Variants in HMGXB3 observed in about 807,000 individuals in gnomAD.
HMGXB3 encodes the protein HMG-box containing 3.
In HMGXB3, 45 loss-of-function variants were observed where a neutral mutation model predicts 121.5. That is an observed-to-expected ratio of 0.37 (90% confidence interval 0.29 to 0.47). The LOEUF (loss-of-function observed/expected upper bound fraction) is 0.47. Ranked by LOEUF, HMGXB3 falls within the 20% of genes least tolerant of loss-of-function variation. The probability of loss-of-function intolerance (pLI) is 0.99; values close to 1 mark genes in which losing one functional copy is unlikely to be tolerated. For missense variants in HMGXB3, 1,376 were observed against 1,602.2 expected, an observed-to-expected ratio of 0.86 and a Z score of 2.41; for synonymous variants, 590 against 624.1, an observed-to-expected ratio of 0.95 and a Z score of 0.81.
chr5:150,030,518 T>C, intron 9 of HMGXB3: 1 of 478,184 alleles, frequency 2.1e-6, no homozygotes, highest in Non-Finnish European at 3.8e-6. Context: ...TTCTAATACA[T>C]GGTATTAGAA....
At chr5:150,020,320 G>T (rs1374799847) in intron 6 of HMGXB3, among the ~76,000 whole-genome samples, 2 of 152,234 alleles carry the variant, frequency 1.3e-5, no homozygotes, top group Admixed American at 6.5e-5. Context: ...GAAGCCATCA[G>T]TGTATTCACA....
In HMGXB3 at chr5:150,010,219, G is replaced by C; in HGVS notation, c.421G>C (p.Asp141His). 1 of 1,551,836 alleles carries C rather than the reference G, an allele frequency of 6.4e-7. No homozygotes were observed. Among genetic ancestry groups the C allele is most frequent in the South Asian group, 1.2e-5 (1 of 84,058 alleles). ...CATCCCCAAGAGCAGCCTGCAGGAG[G>C]ACCGGAGCTGCCCTCAGCTAGAGCT... The part of the protein sequence containing the change: ...IIIPKSSLQE[D>H]RSCPQLELCV... The change falls in exon 4 of 20, where the codon GAC (aspartate) becomes CAC (histidine). Residue 141 changes from aspartate (D) to histidine (H), a missense_variant. Transcript: ENST00000502717.
At position 150,052,035 on chromosome 5, in the gene HMGXB3, G is replaced by A. The variant is rs947233375; in HGVS notation, c.3722G>A (p.Arg1241His). ...CGCCTCATGGACTTCCTCACCAGCC[G>A]CGAAATTGTCAATCGTCAGATCCAT... is the stretch of plus-strand genomic sequence containing the variant. ...YNRLMDFLTS[R>H]EIVNRQIHDI... is the part of the protein sequence containing the mutation. The change falls in exon 20 of 20, where the codon CGC becomes CAC. Residue 1241 changes from arginine (R) to histidine (H), a missense_variant. Arg to His is a conservative substitution (Grantham distance 29). Coordinates refer to ENST00000502717, the MANE Select transcript of HMGXB3 (RefSeq NM_014983.3). 4 of 1,551,928 alleles carry A rather than the reference G, an allele frequency of 2.6e-6. No individual in the cohort carries two copies. The highest frequency in any genetic ancestry group is 2.4e-5 in the East Asian group (1 of 40,938).
chr5:150,005,138 T>G, intron 2 of HMGXB3, 149 bp downstream of exon 2: 5 of 1,115,836 alleles, frequency 4.5e-6, no homozygotes, highest in Non-Finnish European at 6.1e-6. Context: ...GTGGAGGGAT[T>G]TCTGCCAGCA....
intron 6 of HMGXB3, among the ~76,000 whole-genome samples, chr5:150,021,291 CT>C (rs1222995851): frequency 6.6e-6 from 1 of 152,226 alleles, no homozygotes; most frequent in African/African-American, 2.4e-5. Context: ...TGATTATCAG[CT>C]ACTTCAACTC....
At chr5:150,016,910 A>C (rs549203550) in intron 5 of HMGXB3, among the ~76,000 whole-genome samples, 1 of 152,322 alleles carries the variant, frequency 6.6e-6, no homozygotes, top group African/African-American at 2.4e-5. Flanking sequence ...TTAGGGCTAA[A>C]GTACATATTT....
chr5:150,005,165 G>C (rs1482729766), intron 2 of HMGXB3, among the ~76,000 whole-genome samples, 176 bp downstream of exon 2: 1 of 148,128 alleles, frequency 6.8e-6, no homozygotes, highest in African/African-American at 2.5e-5. Flanking sequence ...TTACTGGCCA[G>C]ACTTTGCTTT....
At chr5:150,032,695 A>C in intron 11 of HMGXB3, 92 bp downstream of exon 11, 1 of 1,425,440 alleles carries the variant, frequency 7.0e-7, no homozygotes, top group Non-Finnish European at 9.6e-7. Flanking sequence ...TTTAAAGTAC[A>C]TGGTGGTAGT....
intron 1 of HMGXB3, among the ~76,000 whole-genome samples, chr5:150,001,862 T>C (rs1335391457): frequency 6.6e-6 from 1 of 152,194 alleles, no homozygotes; most frequent in Non-Finnish European, 1.5e-5. Flanking sequence ...TGCCATTCAT[T>C]ACAGATGCTC....
In HMGXB3 at chr5:150,018,617, T is replaced by A. The variant is rs1756013176; in HGVS notation, c.961T>A (p.Ser321Thr). ...GHGTCTSPGC[S>T]FTYVTRHKPP... ...TGGGACATGCACCAGCCCAGGGTGC[T>A]CCTTTACATATGTCACCAGGCACAA... Residue 321 changes from serine to threonine, a missense_variant, in exon 6 of 20, where the codon TCC (serine) becomes ACC (threonine). By Grantham distance (58) the Ser-to-Thr change is moderately conservative (BLOSUM62 1). Coordinates refer to ENST00000502717, the MANE Select transcript of HMGXB3 (RefSeq NM_014983.3). The A allele has an allele frequency of 6.4e-7, 1 of 1,551,062 alleles. No homozygotes were observed. The highest frequency in any genetic ancestry group is 1.4e-5 in the African/African-American group (1 of 73,044).
At chr5:150,025,571 T>C (rs923040527) in intron 7 of HMGXB3, among the ~76,000 whole-genome samples, 1 of 152,132 alleles carries the variant, frequency 6.6e-6, no homozygotes, top group Non-Finnish European at 1.5e-5. Flanking sequence ...ATTTTTATGT[T>C]TATTTTTATT....
intron 3 of HMGXB3, among the ~76,000 whole-genome samples, 170 bp from the exon 4 acceptor site, chr5:150,009,941 G>C (rs972927758): frequency 6.6e-6 from 1 of 152,158 alleles, no homozygotes; most frequent in African/African-American, 2.4e-5. Context: ...TGACACTGCT[G>C]TTGACAGGGG....
At chr5:150,025,828 C>T (rs1756215964) in intron 7 of HMGXB3, among the ~76,000 whole-genome samples, 2 of 152,048 alleles carry the variant, frequency 1.3e-5, no homozygotes, top group Non-Finnish European at 2.9e-5. Flanking sequence ...CCGCCTTGGC[C>T]TCCCAAATAC....
chr5:150,012,342 T>C lies in HMGXB3; in HGVS notation c.898T>C (p.Ser300Pro), dbSNP rs1398128692. The C allele has an allele frequency of 6.4e-7, 1 of 1,550,958 alleles. No individual in the cohort carries two copies. Among genetic ancestry groups the C allele is most frequent in the East Asian group, 2.4e-5 (1 of 40,906 alleles). ...CTACTCGGTTGTGGAGAACCCCACC[T>C]CCATCAAACTGGTCAGTACTGTATG... ...PAYSVVENPT[S>P]IKLTTTYTRR... is the part of the protein sequence containing the mutation. The change falls in exon 5 of 20, where the codon TCC becomes CCC. Residue 300 changes from serine to proline, a missense_variant. This residue lies in a region of HMGXB3 where 1,116 missense variants were observed against 1,369.0 expected (regional missense o/e 0.82). Coordinates refer to ENST00000502717, the MANE Select transcript of HMGXB3 (RefSeq NM_014983.3).
At chr5:150,018,451 T>A in intron 5 of HMGXB3, 115 bp from the exon 6 acceptor site, 1 of 792,532 alleles carries the variant, frequency 1.3e-6, no homozygotes, top group Non-Finnish European at 1.8e-6. Flanking sequence ...TATGATATGA[T>A]TATGAATTGG....
rs1755538204 is a variant in HMGXB3 at position 150,000,762 on chromosome 5, C to T, written c.-420C>T. On this transcript the variant is annotated 5_prime_UTR_variant, in exon 1 of 20. Coordinates refer to ENST00000502717, the MANE Select transcript of HMGXB3 (RefSeq NM_014983.3). ...GCGATCCGTGGTGTGCCGCTACTGC[C>T]GGTGCAGCCGCCAAACCGGTGCCTC... is the stretch of plus-strand genomic sequence containing the variant. 1.3e-5 allele frequency: 2 copies of T among 154,698 alleles called. No homozygotes were observed. The allele number at this position is 154,698 out of a possible 1,614,324, so 9.6% of individuals were successfully genotyped here. A position where few individuals can be genotyped will look rare whatever the true frequency, so the allele number is the denominator to read the frequency against.
chr5:150,051,959 C>T lies in HMGXB3; in HGVS notation c.3646C>T (p.Arg1216Cys), dbSNP rs371270385. 44 of 1,552,312 alleles carry T rather than the reference C, an allele frequency of 2.8e-5. No homozygotes were observed. The highest frequency in any genetic ancestry group is 5.5e-5 in the African/African-American group (4 of 73,196). Residue 1216 changes from arginine (R) to cysteine (C), a missense_variant, in exon 20 of 20, where the codon CGC becomes TGC. Physicochemically the swap from Arg to Cys is radical, Grantham distance 180 (BLOSUM62 -3). This residue lies in a region of HMGXB3 where 260 missense variants were observed against 233.2 expected (regional missense o/e 1.11). Transcript: ENST00000502717. ...SIVDSKPNGV[R>C]QRPIAFDNAT... ...CGTGGACAGCAAACCAAACGGTGTCCGCCAGCGGCCCATTGCCTTCGACAA... is the reference window on the plus strand; with the variant it reads ...CGTGGACAGCAAACCAAACGGTGTCTGCCAGCGGCCCATTGCCTTCGACAA...
At chr5:150,031,994 C>T (rs564518749) in intron 10 of HMGXB3, among the ~76,000 whole-genome samples, 2 of 152,034 alleles carry the variant, frequency 1.3e-5, no homozygotes, top group South Asian at 4.2e-4. Flanking sequence ...GGGAACTACC[C>T]CTGAGTAGAC....
At chr5:150,020,807 T>C (rs906474289) in intron 6 of HMGXB3, among the ~76,000 whole-genome samples, 17 of 150,978 alleles carry the variant, frequency 1.1e-4, no homozygotes, top group African/African-American at 4.2e-4. Context: ...TAGCACGATC[T>C]CAGCTCACTG....
Sources: gnomAD v4.1 joint callset for allele counts (sites outside exome capture counted in the v4.1 genomes callset) on GRCh38, gnomAD v4.1.1 for gene constraint, gnomAD v4.1.1 regional missense constraint, MANE v1.5 for transcripts, NCBI Gene and HGNC (gene_info 2026-07-23, HGNC 2026-07-21) for gene names.